The following FSHR variants were observed in gnomAD, a reference collection of about 807,000 sequenced individuals.
FSHR encodes the protein follicle stimulating hormone receptor.
In FSHR, 46 loss-of-function variants were observed where a neutral mutation model predicts 52.1. The observed-to-expected ratio is 0.88, with a 90% confidence interval of 0.70 to 1.13. The LOEUF (loss-of-function observed/expected upper bound fraction) is 1.13. Ranked by LOEUF, FSHR falls within the 50% of genes most tolerant of loss-of-function variation. FSHR has a pLI of 0.00. For missense variants in FSHR, 964 were observed against 834.6 expected (o/e 1.16, Z -1.91); for synonymous variants, 399 against 309.6 (o/e 1.29, Z -3.03).
chr2:48,979,833 G>A (rs995712397), intron 8 of FSHR, among the ~76,000 whole-genome samples: 3 of 152,078 alleles, frequency 2.0e-5, no homozygotes, highest in African/African-American at 7.3e-5. Flanking sequence ...GTGTGTGTGG[G>A]AGCGGGGACT....
intron 2 of FSHR, among the ~76,000 whole-genome samples, chr2:49,047,658 G>T (rs1169281861): frequency 6.6e-6 from 1 of 152,156 alleles, no homozygotes; most frequent in African/African-American, 2.4e-5. Flanking sequence ...TTTACAAAAG[G>T]CATATTGGGT....
rs1165088106 is a variant in FSHR at position 49,021,896 on chromosome 2, G to T, written c.225-1736C>A. Among the ~76,000 whole-genome samples the T allele has an allele frequency of 4.2e-3, 284 of 68,054 alleles. 1 individual carries two copies. Among genetic ancestry groups the T allele is most frequent in the African/African-American group, 7.4e-3 (142 of 19,166 alleles). The allele number at this position is 68,054 out of a possible 152,430, so 44.6% of individuals were successfully genotyped here. On this transcript the variant is annotated intron_variant, in intron 2 of 9. Coordinates refer to ENST00000406846, the MANE Select transcript of FSHR (RefSeq NM_000145.4). Reference sequence around the variant, plus strand: ...ATATATATATATATATAGAGAGAGAGAGAGAGAGAGAGAGAGAGAGAGAGA... The same window carrying T: ...ATATATATATATATATAGAGAGAGATAGAGAGAGAGAGAGAGAGAGAGAGA...
At chr2:48,973,744 A>G (rs1456471627) in intron 8 of FSHR, among the ~76,000 whole-genome samples, 1 of 152,226 alleles carries the variant, frequency 6.6e-6, no homozygotes, top group Non-Finnish European at 1.5e-5. Flanking sequence ...TTGTTAGAAG[A>G]TATACTGGGG....
At chr2:49,127,726 A>C (rs1672057967) in intron 1 of FSHR, among the ~76,000 whole-genome samples, 1 of 146,082 alleles carries the variant, frequency 6.8e-6, no homozygotes, top group African/African-American at 2.6e-5. Context: ...TGGCACATTG[A>C]TTTGTGCATG....
intron 1 of FSHR, among the ~76,000 whole-genome samples, chr2:49,076,454 A>T (rs879807223): frequency 6.6e-6 from 1 of 152,134 alleles, no homozygotes; most frequent in Non-Finnish European, 1.5e-5. Context: ...CCTTGATTCA[A>T]TTACCTCCCA....
At chr2:48,996,060 G>T (rs781181346) in intron 4 of FSHR, among the ~76,000 whole-genome samples, 1 of 152,050 alleles carries the variant, frequency 6.6e-6, no homozygotes, top group Non-Finnish European at 1.5e-5. Context: ...TAGCCAAAGC[G>T]CATTTCCTAG....
intron 1 of FSHR, among the ~76,000 whole-genome samples, chr2:49,131,200 C>T (rs1672249917): frequency 6.6e-6 from 1 of 152,092 alleles, no homozygotes; most frequent in Non-Finnish European, 1.5e-5. Context: ...GTCCTTTATT[C>T]ATTTGCTATT....
In FSHR at chr2:48,963,402, A is replaced by G. The variant is rs1444098984; in HGVS notation, c.1419T>C (p.His473=). 1 of 1,614,142 alleles carries G rather than the reference A, an allele frequency of 6.2e-7. No homozygotes were observed. The highest frequency in any genetic ancestry group is 8.5e-7 in the Non-Finnish European group (1 of 1,180,008). The change falls in exon 10 of 10, where the codon CAT becomes CAC. Residue 473 remains histidine, a synonymous_variant. Coordinates refer to ENST00000406846, the MANE Select transcript of FSHR (RefSeq NM_000145.4). ...GCACCTTGCAGTCCAGCTGCATGGC[A>G]TGCGTGATGGTATGCCATCTTTCCA... ...ITLERWHTIT[H]AMQLDCKVQL...
intron 2 of FSHR, among the ~76,000 whole-genome samples, chr2:49,027,867 A>C (rs1257626121): frequency 6.6e-6 from 1 of 151,908 alleles, no homozygotes; most frequent in Non-Finnish European, 1.5e-5. Flanking sequence ...AAAAAAAAAA[A>C]AAAAAGAGTG....
At chr2:49,103,559 A>G (rs897084544) in intron 1 of FSHR, among the ~76,000 whole-genome samples, 4 of 152,110 alleles carry the variant, frequency 2.6e-5, no homozygotes, top group South Asian at 2.1e-4. Flanking sequence ...CTGACATCCA[A>G]GGATGTCAAA....
At chr2:49,128,846 C>T (rs1021625671) in intron 1 of FSHR, among the ~76,000 whole-genome samples, 71 of 151,674 alleles carry the variant, frequency 4.7e-4, no homozygotes, top group African/African-American at 1.6e-3. Flanking sequence ...TGAAGAATGA[C>T]GAAAAATAGA....
At chr2:49,049,851 A>ATATATATATATATATATAT (rs1668791622) in intron 2 of FSHR, among the ~76,000 whole-genome samples, 6 of 143,776 alleles carry the variant, frequency 4.2e-5, no homozygotes, top group African/African-American at 1.5e-4. Flanking sequence ...ATATATATAT[A>ATATATATATATATATATAT]ATAAAAACCA....
chr2:49,041,398 T>C (rs1668476958), intron 2 of FSHR, among the ~76,000 whole-genome samples: 1 of 152,118 alleles, frequency 6.6e-6, no homozygotes, highest in Admixed American at 6.6e-5. Flanking sequence ...GGGTGACATG[T>C]CAGGGAGCTC....
At chr2:49,068,512 CA>C (rs1411699106) in intron 1 of FSHR, among the ~76,000 whole-genome samples, 1 of 151,860 alleles carries the variant, frequency 6.6e-6, no homozygotes, top group Non-Finnish European at 1.5e-5. Flanking sequence ...TTAGGGAGAA[CA>C]AAAAATTTAC....
chr2:49,088,572 A>G (rs916575476), intron 1 of FSHR, among the ~76,000 whole-genome samples: 8 of 152,242 alleles, frequency 5.3e-5, no homozygotes, highest in Non-Finnish European at 1.2e-4. Flanking sequence ...AGTTTCAGGC[A>G]GAATGACAAA....
chr2:48,993,898 ATATATGC>A (rs1358846656), intron 4 of FSHR, among the ~76,000 whole-genome samples: 1 of 152,182 alleles, frequency 6.6e-6, no homozygotes, highest in Non-Finnish European at 1.5e-5. Context: ...AAGGAGCTCC[ATATATGC>A]TAAACTAAAT....
rs116444729 is a variant in FSHR at position 48,968,697 on chromosome 2, C to T, written c.854+1G>A. 153 of 1,614,092 alleles carry T rather than the reference C, an allele frequency of 9.5e-5. No homozygotes were observed. Among genetic ancestry groups the T allele is most frequent in the Non-Finnish European group, 1.2e-4 (147 of 1,179,960 alleles). On this transcript the variant is annotated splice_donor_variant, in intron 9 of 9. Transcript: ENST00000406846. LOFTEE classifies it high-confidence loss of function. The stretch of plus-strand genomic sequence containing the variant: ...GAGCAGGGCTTAAAGGATGGACTCA[C>T]ATTTGCCGTCTCCAGTTTGCAAAGG...
chr2:48,999,207 T>C (rs1676151804), intron 4 of FSHR, among the ~76,000 whole-genome samples: 1 of 152,090 alleles, frequency 6.6e-6, no homozygotes, highest in African/African-American at 2.4e-5. Context: ...CAACATTTAT[T>C]GAACACTTCC....
chr2:49,042,516 G>T (rs1668512632), intron 2 of FSHR, among the ~76,000 whole-genome samples: 2 of 152,174 alleles, frequency 1.3e-5, no homozygotes, highest in Non-Finnish European at 2.9e-5. Flanking sequence ...ATAAAGAGTT[G>T]AAGAATTCAT....
Sources: gnomAD v4.1 joint callset for allele counts (sites outside exome capture counted in the v4.1 genomes callset) on GRCh38, gnomAD v4.1.1 for gene constraint, MANE v1.5 for transcripts, NCBI Gene and HGNC (gene_info 2026-07-23, HGNC 2026-07-21) for gene names.